Variants in JPH1 observed in about 807,000 individuals in gnomAD.
JPH1 encodes the protein junctophilin-1.
A neutral mutation model predicts 53.6 loss-of-function variants in JPH1; 12 were observed. The observed-to-expected ratio is 0.22, with a 90% CI of 0.14 to 0.36. JPH1 has a LOEUF of 0.36. Among genes scored for constraint, JPH1 ranks in the 10% least tolerant of loss-of-function variants. The pLI, the probability that JPH1 is intolerant of heterozygous loss-of-function variation, is 1.00. For synonymous variants in JPH1, 375 were observed against 363.8 expected (o/e 1.03, Z -0.35); for missense variants, 808 against 905.5 (o/e 0.89, Z 1.38).
chr8:74,298,234 T>C (rs1333052999), intron 2 of JPH1, among the ~76,000 whole-genome samples: 1 of 152,238 alleles, frequency 6.6e-6, no homozygotes, highest in Admixed American at 6.5e-5. Flanking sequence ...CTCCCCATAA[T>C]GTCTCCATCA....
chr8:74,297,140 C>A (rs1022665143), intron 2 of JPH1, among the ~76,000 whole-genome samples: 1 of 152,324 alleles, frequency 6.6e-6, no homozygotes, highest in East Asian at 1.9e-4. Flanking sequence ...ATTTTCTTAA[C>A]AGAAAAATCA....
intron 3 of JPH1, among the ~76,000 whole-genome samples, chr8:74,246,144 C>T (rs191779899): frequency 6.6e-5 from 10 of 152,218 alleles, no homozygotes; most frequent in Admixed American, 1.3e-4. Context: ...TGCCACTTTT[C>T]GCCTCATAAG....
chr8:74,287,957 AT>A (rs954176645), intron 2 of JPH1, among the ~76,000 whole-genome samples: 2 of 149,964 alleles, frequency 1.3e-5, no homozygotes, highest in African/African-American at 2.5e-5. Context: ...TTAGCTGACA[AT>A]ATTTTTTTTT....
chr8:74,307,979 G>C (rs912684214), intron 2 of JPH1, among the ~76,000 whole-genome samples: 2 of 152,150 alleles, frequency 1.3e-5, no homozygotes, highest in African/African-American at 4.8e-5. Flanking sequence ...AATTACTTAT[G>C]AGTAAAATGT....
intron 2 of JPH1, among the ~76,000 whole-genome samples, chr8:74,305,929 A>G (rs1389582968): frequency 1.3e-5 from 2 of 152,190 alleles, no homozygotes; most frequent in Non-Finnish European, 2.9e-5. Context: ...GTTAGTCACG[A>G]AAACACATGT....
chr8:74,317,574 T>C (rs1035003966), intron 1 of JPH1, among the ~76,000 whole-genome samples: 2 of 152,214 alleles, frequency 1.3e-5, no homozygotes, highest in African/African-American at 4.8e-5. Flanking sequence ...AATTCTAGGA[T>C]GAAAGTTTCA....
rs886205448 is a variant in JPH1 at position 74,321,437 on chromosome 8, G to A, written c.-150C>T. 8.8e-6 allele frequency: 6 copies of A among 684,308 alleles called. No homozygotes were observed. The highest frequency in any genetic ancestry group is 7.6e-5 in the African/African-American group (4 of 52,558). The allele number at this position is 684,308 out of a possible 1,614,324, so 42.4% of individuals were successfully genotyped here. A position where few individuals can be genotyped will look rare whatever the true frequency, so the allele number is the denominator to read the frequency against. Reference sequence around the variant, plus strand: ...CGCTGCCGCTCGGCTCCAGTCCGACGCCGCCCCCGTCCTCCCTCCTCTTTT... The same window carrying A: ...CGCTGCCGCTCGGCTCCAGTCCGACACCGCCCCCGTCCTCCCTCCTCTTTT... On this transcript the variant is annotated 5_prime_UTR_variant, in exon 1 of 6. Transcript: ENST00000342232. This position sits in a 1 kb window ranked among gnomAD's most constrained non-coding sequence, Gnocchi z 4.3.
chr8:74,267,268 A>T (rs1474937557), intron 2 of JPH1, among the ~76,000 whole-genome samples: 1 of 152,266 alleles, frequency 6.6e-6, no homozygotes, highest in Non-Finnish European at 1.5e-5. Context: ...CAAATAAGTG[A>T]GTCAAAAAAG....
At chr8:74,249,217 G>T (rs890114907) in intron 3 of JPH1, among the ~76,000 whole-genome samples, 19 of 152,260 alleles carry the variant, frequency 1.2e-4, no homozygotes, top group African/African-American at 4.6e-4. Context: ...GCACCATAAA[G>T]ATTCCCCAAA....
intron 2 of JPH1, among the ~76,000 whole-genome samples, chr8:74,313,710 C>A (rs1458882061): frequency 6.6e-6 from 1 of 151,924 alleles, no homozygotes. Context: ...AACCTGAAGA[C>A]ATGCTAACAT....
intron 4 of JPH1, among the ~76,000 whole-genome samples, chr8:74,238,579 T>C (rs1805609599): frequency 6.6e-6 from 1 of 152,188 alleles, no homozygotes; most frequent in South Asian, 2.1e-4. Flanking sequence ...CACAGACACG[T>C]GACATTGCCC....
At position 74,244,584 on chromosome 8, in the gene JPH1, G is replaced by C; in HGVS notation, c.1850C>G (p.Pro617Arg). The C allele has an allele frequency of 3.7e-6, 6 of 1,613,966 alleles. No individual in the cohort carries two copies. The highest frequency in any genetic ancestry group is 5.1e-6 in the Non-Finnish European group (6 of 1,179,936). The change falls in exon 4 of 6, where the codon CCA becomes CGA. Residue 617 changes from proline (P) to arginine (R), a missense_variant. Physicochemically the swap from Pro to Arg is moderately radical, Grantham distance 103 (BLOSUM62 -2). Coordinates refer to ENST00000342232, the MANE Select transcript of JPH1 (RefSeq NM_020647.4). ...TGAATCGTTGCTTGCTGGATTCTTT[G>C]GTATAGCAAGTTCAGACTTCTTAGC... ...PKAKKSELAI[P>R]KNPASNDSCP...
At chr8:74,264,333 C>T (rs919623008) in intron 2 of JPH1, among the ~76,000 whole-genome samples, 10 of 151,912 alleles carry the variant, frequency 6.6e-5, no homozygotes, top group East Asian at 1.9e-4. Flanking sequence ...AGAGATAGGA[C>T]GTGGAATAAT....
chr8:74,315,128 T>C lies in JPH1; in HGVS notation c.872A>G (p.Asn291Ser), dbSNP rs1028783528. The change falls in exon 2 of 6, where the codon AAC (asparagine) becomes AGC (serine). Residue 291 changes from asparagine to serine, a missense_variant. Asn to Ser is a conservative substitution (Grantham distance 46, BLOSUM62 1). Transcript: ENST00000342232. The surrounding 1 kb of genome is among the most constrained non-coding windows in gnomAD (Gnocchi z 6.3). ...GGAGCGCTCGCTAACGCCGAAGCCG[T>C]TGCGCTTGTCGTTCTTCCACTCGCC... ...YMGEWKNDKR[N>S]GFGVSERSNG... 1 of 1,614,234 alleles carries C rather than the reference T, an allele frequency of 6.2e-7. No homozygotes were observed.
intron 1 of JPH1, among the ~76,000 whole-genome samples, chr8:74,316,603 T>C (rs925267775): frequency 6.6e-6 from 1 of 152,212 alleles, no homozygotes; most frequent in East Asian, 1.9e-4. Context: ...AGATGAAATC[T>C]TCTACTGTTA....
At chr8:74,295,302 TG>T (rs1488762057) in intron 2 of JPH1, among the ~76,000 whole-genome samples, 1 of 152,174 alleles carries the variant, frequency 6.6e-6, no homozygotes, top group Non-Finnish European at 1.5e-5. Context: ...TATGTGTGTG[TG>T]TGTATATAGT....
chr8:74,286,643 A>AT (rs2131426228), intron 2 of JPH1, among the ~76,000 whole-genome samples: 1 of 152,304 alleles, frequency 6.6e-6, no homozygotes, highest in East Asian at 1.9e-4. Context: ...CTGATTTATA[A>AT]TTATGTCTGT....
At chr8:74,308,117 T>A (rs1198029010) in intron 2 of JPH1, among the ~76,000 whole-genome samples, 1 of 152,218 alleles carries the variant, frequency 6.6e-6, no homozygotes, top group Non-Finnish European at 1.5e-5. Context: ...AAAAAATTAA[T>A]AATAAGCTCC....
intron 2 of JPH1, among the ~76,000 whole-genome samples, chr8:74,276,815 A>C (rs915895149): frequency 1.9e-4 from 29 of 152,224 alleles, no homozygotes; most frequent in African/African-American, 7.0e-4. Context: ...CTGAATTAAT[A>C]AAAGATGAAC....
Sources: gnomAD v4.1 joint callset for allele counts (sites outside exome capture counted in the v4.1 genomes callset) on GRCh38, gnomAD v4.1.1 for gene constraint, Gnocchi (gnomAD v3.1) non-coding constraint, MANE v1.5 for transcripts, NCBI Gene and HGNC (gene_info 2026-07-23, HGNC 2026-07-21) for gene names.